The following PITPNM2 variants were observed in gnomAD, a reference collection of about 807,000 sequenced individuals.
PITPNM2 encodes phosphatidylinositol transfer protein membrane associated 2.
PITPNM2 carries 35 observed loss-of-function variants against 132.2 expected under a neutral mutation model. That is an observed-to-expected ratio of 0.26 (90% CI 0.20 to 0.35). The LOEUF (loss-of-function observed/expected upper bound fraction) is 0.35. Among genes scored for constraint, PITPNM2 ranks in the 10% least tolerant of loss-of-function variants. The pLI, the probability that PITPNM2 is intolerant of heterozygous loss-of-function variation, is 1.00. For synonymous variants in PITPNM2, 738 were observed against 799.2 expected, an observed-to-expected ratio of 0.92 and a Z score of 1.29; for missense variants, 1,332 against 1,912.0, an observed-to-expected ratio of 0.70 and a Z score of 5.66.
chr12:123,079,498 C>T (rs534534783), intron 2 of PITPNM2, among the ~76,000 whole-genome samples: 7 of 151,674 alleles, frequency 4.6e-5, no homozygotes, highest in Admixed American at 3.9e-4. Flanking sequence ...AGGCGCCCAC[C>T]ACCACACCCA....
Position 123,005,248 on chromosome 12 carries a change from T to C in PITPNM2, c.944A>G (p.Lys315Arg), listed in dbSNP as rs1416436052. ...GTGGCGCAGGGCCTTACCTCCCCGC[T>C]TGGACGACCGAGACGACTTGGAGGA... ...STSSKSSRSSKRGASPSRHSI... is the reference protein window; with the variant it reads ...STSSKSSRSSRRGASPSRHSI... The change falls in exon 7 of 26, where the codon AAG (lysine) becomes AGG (arginine). Residue 315 changes from lysine (K) to arginine (R), a missense_variant. This residue lies in a region of PITPNM2 where 710 missense variants were observed against 911.5 expected (regional missense o/e 0.78). Transcript: ENST00000320201. This position sits in a 1 kb window ranked among gnomAD's most constrained non-coding sequence, Gnocchi z 6.2. The C allele has an allele frequency of 4.3e-6, 7 of 1,611,580 alleles. No homozygotes were observed. Among genetic ancestry groups the C allele is most frequent in the Non-Finnish European group, 5.9e-6 (7 of 1,178,330 alleles).
rs1407234728 is a variant in PITPNM2, at chr12:123,095,799, C to G, written c.-96+14586G>C. Among the ~76,000 whole-genome samples, 1 of 152,248 alleles carries G rather than the reference C, an allele frequency of 6.6e-6. No individual in the cohort carries two copies. Among genetic ancestry groups the G allele is most frequent in the Non-Finnish European group, 1.5e-5 (1 of 68,042 alleles). ...GACTCTCCCTTGTTTACACGCAACC[C>G]TGCCTCCTGTGTCGTGTGAACTCAG... On this transcript the variant is annotated intron_variant, in intron 2 of 25. Transcript: ENST00000320201. The surrounding 1 kb of genome is among the most constrained non-coding windows in gnomAD (Gnocchi z 5.0).
chr12:123,049,579 G>T (rs2040790367), intron 2 of PITPNM2, among the ~76,000 whole-genome samples: 1 of 152,166 alleles, frequency 6.6e-6, no homozygotes, highest in South Asian at 2.1e-4. Context: ...CATCAACCAG[G>T]TCTGGGCACA....
rs899293571 is a variant in PITPNM2, at chr12:123,022,183, C to T, written c.79-8141G>A. On this transcript the variant is annotated intron_variant, in intron 3 of 25. Coordinates refer to ENST00000320201, the MANE Select transcript of PITPNM2 (RefSeq NM_020845.3). This position sits in a 1 kb window ranked among gnomAD's most constrained non-coding sequence, Gnocchi z 4.9. The stretch of plus-strand genomic sequence containing the variant: ...GGCGGTGAGGAGGGGCCAGGCAGCA[C>T]GGCTCTCCGCTCAGCCTTTTTCTGG... 5.9e-5 allele frequency among the ~76,000 whole-genome samples: 9 copies of T among 152,140 alleles called. No homozygotes were observed. Among genetic ancestry groups the T allele is most frequent in the Non-Finnish European group, 1.2e-4 (8 of 68,010 alleles).
chr12:122,985,161 C>T lies in PITPNM2; in HGVS notation c.*866G>A, dbSNP rs1375373142. 6.6e-6 allele frequency: 1 copy of T among 152,482 alleles called. No homozygotes were observed. Among genetic ancestry groups the T allele is most frequent in the Admixed American group, 6.5e-5 (1 of 15,270 alleles). The allele number at this position is 152,482 out of a possible 1,614,324, so 9.4% of individuals were successfully genotyped here. A position where few individuals can be genotyped will look rare whatever the true frequency, so the allele number is the denominator to read the frequency against. On this transcript the variant is annotated 3_prime_UTR_variant, in exon 26 of 26. Transcript: ENST00000320201. ...GTGTTTTCAGTGTGGAGGGGCTGCTCTCAGTACTGAAAGAGTTAAGAAAAG... is the reference window on the plus strand; with the variant it reads ...GTGTTTTCAGTGTGGAGGGGCTGCTTTCAGTACTGAAAGAGTTAAGAAAAG...
At chr12:123,131,753 G>T (rs2043267610) in intron 1 of PITPNM2, among the ~76,000 whole-genome samples, 1 of 152,210 alleles carries the variant, frequency 6.6e-6, no homozygotes, top group Admixed American at 6.5e-5. Flanking sequence ...CCTGATGGAA[G>T]AAGCAGCCCC....
chr12:123,032,874 G>GC (rs2040142070), intron 3 of PITPNM2, among the ~76,000 whole-genome samples: 1 of 152,152 alleles, frequency 6.6e-6, no homozygotes, highest in South Asian at 2.1e-4. Flanking sequence ...AGAGCAAACA[G>GC]CCCCCCGGAG....
intron 2 of PITPNM2, among the ~76,000 whole-genome samples, chr12:123,100,899 C>T (rs144773964): frequency 6.6e-6 from 1 of 152,230 alleles, no homozygotes; most frequent in Non-Finnish European, 1.5e-5. Context: ...CTATAACTCC[C>T]TGGTTCCAGA....
In PITPNM2 at chr12:122,986,545, G is replaced by A. The variant is rs762041074; in HGVS notation, c.3617C>T (p.Ala1206Val). ...CACGTCCTTGGTGGAGCCATAGGCC[G>A]CGTGCACGCGCAGGTGCAGCTGTGG... ...LISELHLRVHAAYGSTKDVAV... is the reference protein window; with the variant it reads ...LISELHLRVHVAYGSTKDVAV... Residue 1206 changes from alanine to valine, a missense_variant, in exon 25 of 26, where the codon GCG becomes GTG. Physicochemically the swap from Ala to Val is moderately conservative, Grantham distance 64. Transcript: ENST00000320201. 8 of 1,597,976 alleles carry A rather than the reference G, an allele frequency of 5.0e-6. No individual in the cohort carries two copies. The highest frequency in any genetic ancestry group is 2.3e-5 in the East Asian group (1 of 44,412).
In PITPNM2 at chr12:123,000,073, T is replaced by C. The variant is rs1026100367; in HGVS notation, c.1224+705A>G. ...ACAGGAGGGGGAGGCTGTGTGGATGTCCCTCCTCCTCCCCGCCTAGATTCC... is the reference window on the plus strand; with the variant it reads ...ACAGGAGGGGGAGGCTGTGTGGATGCCCCTCCTCCTCCCCGCCTAGATTCC... On this transcript the variant is annotated intron_variant, in intron 10 of 25. Coordinates refer to ENST00000320201, the MANE Select transcript of PITPNM2 (RefSeq NM_020845.3). This position sits in a 1 kb window ranked among gnomAD's most constrained non-coding sequence, Gnocchi z 5.4. 2.6e-5 allele frequency among the ~76,000 whole-genome samples: 4 copies of C among 151,942 alleles called. No individual in the cohort carries two copies. Among genetic ancestry groups the C allele is most frequent in the African/African-American group, 4.8e-5 (2 of 41,338 alleles).
intron 1 of PITPNM2, among the ~76,000 whole-genome samples, chr12:123,148,375 A>G (rs2137733972): frequency 6.6e-6 from 1 of 152,304 alleles, no homozygotes; most frequent in Non-Finnish European, 1.5e-5. Context: ...CTGGAGCAAT[A>G]CCACTACGCT....
At chr12:123,123,935 C>CAAA (rs74682441) in intron 1 of PITPNM2, among the ~76,000 whole-genome samples, 1 of 111,796 alleles carries the variant, frequency 8.9e-6, no homozygotes, top group Non-Finnish European at 1.9e-5. Context: ...GATTCTGCCT[C>CAAA]AAAAAAAAAA....
chr12:123,012,993 C>G (rs1416293741), intron 4 of PITPNM2, among the ~76,000 whole-genome samples: 2 of 152,206 alleles, frequency 1.3e-5, no homozygotes, highest in Non-Finnish European at 2.9e-5. Flanking sequence ...GCCCCATGTC[C>G]AATGTCCACA....
At chr12:123,040,116 C>T (rs562723196) in intron 2 of PITPNM2, among the ~76,000 whole-genome samples, 1 of 151,998 alleles carries the variant, frequency 6.6e-6, no homozygotes, top group South Asian at 2.1e-4. Context: ...GGCAACAGAG[C>T]GAGACCCTAT....
intron 1 of PITPNM2, among the ~76,000 whole-genome samples, chr12:123,143,685 C>A (rs1565884241): frequency 1.3e-5 from 2 of 152,206 alleles, no homozygotes; most frequent in South Asian, 4.1e-4. Flanking sequence ...TGCAGGGCTG[C>A]CGCCAGAACC....
intron 2 of PITPNM2, among the ~76,000 whole-genome samples, chr12:123,063,339 C>A (rs549171041): frequency 6.6e-6 from 1 of 152,240 alleles, no homozygotes; most frequent in Non-Finnish European, 1.5e-5. Flanking sequence ...AGGTGGCCTG[C>A]GCCCCTGGCT....
intron 2 of PITPNM2, chr12:123,084,589 G>C (rs2042061172): frequency 6.6e-6 from 1 of 152,188 alleles, no homozygotes; most frequent in South Asian, 2.1e-4. Flanking sequence ...CCAGAGCATG[G>C]GTGAAGAGAC....
At chr12:123,121,951 C>A (rs1428383484) in intron 1 of PITPNM2, among the ~76,000 whole-genome samples, 1 of 152,124 alleles carries the variant, frequency 6.6e-6, no homozygotes, top group Non-Finnish European at 1.5e-5. Context: ...GCCTCCCAGG[C>A]TCAAGTGATC....
At chr12:122,986,373 T>G in intron 25 of PITPNM2, 23 bp from the exon 26 acceptor site, 2 of 1,576,416 alleles carry the variant, frequency 1.3e-6, no homozygotes, top group Non-Finnish European at 1.7e-6. Flanking sequence ...TGAGGACGGC[T>G]GTCACAGGCT....
Sources: allele counts gnomAD v4.1 joint callset (sites outside exome capture counted in the v4.1 genomes callset), GRCh38; gene constraint gnomAD v4.1.1; regional missense constraint gnomAD v4.1.1; non-coding constraint Gnocchi (gnomAD v3.1); transcripts MANE v1.5; gene names NCBI Gene and HGNC (gene_info 2026-07-23, HGNC 2026-07-21).